PER1: variants seen among roughly 807,000 people sequenced by gnomAD.
The protein encoded by PER1 is period circadian protein homolog 1.
A neutral mutation model predicts 125.9 loss-of-function variants in PER1; 87 were observed. The ratio of observed to expected loss-of-function variants is 0.69; its 90% CI spans 0.58 to 0.83. PER1 has a LOEUF of 0.83. Among genes scored for constraint, PER1 ranks in the 40% least tolerant of loss-of-function variants. The pLI is 0.00. For missense variants in PER1, 1,775 were observed against 1,722.8 expected, an observed-to-expected ratio of 1.03 and a Z score of -0.54; for synonymous variants, 801 against 714.7, an observed-to-expected ratio of 1.12 and a Z score of -1.93.
In PER1 at chr17:8,148,201, G is replaced by A. The variant is rs377331381; in HGVS notation, c.1107C>T (p.Leu369=). 5.9e-5 allele frequency: 95 copies of A among 1,614,130 alleles called. No individual in the cohort carries two copies. The Middle Eastern group carries it at 9.9e-4, about 17-fold the overall frequency. The change falls in exon 9 of 23, where the codon CTC becomes CTT. Residue 369 remains leucine, a synonymous_variant. Transcript: ENST00000317276. ...IFTTRHTPSC[L]FQDVDERAAP... is the part of the protein sequence containing the mutation. ...CTCACCTTTCATCCACATCCTGGAAGAGGCAGCTGGGTGTGTGCCGCGTAG... is the reference window on the plus strand; with the variant it reads ...CTCACCTTTCATCCACATCCTGGAAAAGGCAGCTGGGTGTGTGCCGCGTAG...
At chr17:8,147,923 G>A in intron 10 of PER1, 74 bp downstream of exon 10, 1 of 1,583,862 alleles carries the variant, frequency 6.3e-7, no homozygotes, top group East Asian at 2.3e-5. Flanking sequence ...AAGGCACCAA[G>A]AGACACAACC....
In PER1 at chr17:8,145,153, C is replaced by T. The variant is rs949619952; in HGVS notation, c.2219-160G>A. On this transcript the variant is annotated intron_variant, in intron 17 of 22. Coordinates refer to ENST00000317276, the MANE Select transcript of PER1 (RefSeq NM_002616.3). ...CGTTTCTTGGTCACCTCTCTGCCAA[C>T]GGCTGGCCCTGGGTCCTCCTCTCCA... 1.2e-5 allele frequency: 8 copies of T among 688,072 alleles called. No homozygotes were observed. The African/African-American group carries it at 1.3e-4, about 11-fold the overall frequency. 42.6% of individuals were successfully genotyped at this position (688,072 alleles called of 1,614,324 possible). A position where few individuals can be genotyped will look rare whatever the true frequency, so the allele number is the denominator to read the frequency against.
chr17:8,149,487 G>A lies in PER1; in HGVS notation c.828C>T (p.Pro276=), dbSNP rs1476544171. The change falls in exon 6 of 23, where the codon CCC becomes CCT. Residue 276 remains proline (P), a synonymous_variant. Transcript: ENST00000317276. The part of the protein sequence containing the change: ...FYGSTAPSRL[P]TWGTGASAGS... ...CTGCTGAGGCCCCTGTGCCCCAGGT[G>A]GGCAGGCGAGATGGAGCAGTGGAAC... The A allele has an allele frequency of 1.2e-6, 2 of 1,613,616 alleles. No individual in the cohort carries two copies. The highest frequency in any genetic ancestry group is 1.7e-5 in the Admixed American group (1 of 60,028).
intron 7 of PER1, 61 bp from the exon 8 acceptor site, chr17:8,148,847 A>C: frequency 1.3e-6 from 2 of 1,583,532 alleles, no homozygotes; most frequent in Non-Finnish European, 1.7e-6. Flanking sequence ...TCCTCCAACA[A>C]TAAGGTCACA....
At chr17:8,152,183 G>C (rs1442573674) in intron 1 of PER1, among the ~76,000 whole-genome samples, 154 bp downstream of exon 1, 1 of 152,146 alleles carries the variant, frequency 6.6e-6, no homozygotes, top group Non-Finnish European at 1.5e-5. Flanking sequence ...ATTTCGAGGA[G>C]GACTTCGGTC....
rs1297447317 is a variant in PER1 at position 8,150,308 on chromosome 17, A to G, written c.285T>C (p.Ser95=). The change falls in exon 3 of 23, where the codon TCT becomes TCC. Residue 95 remains serine, a synonymous_variant. Transcript: ENST00000317276. ...AACTGCTGGGTGGGGATGGGCTCTG[A>G]GAGTTTGTGCTAGGAGACAGCAACA... The part of the protein sequence containing the change: ...ETTESSKSTN[S]QSPSPPSSSI... 6.4e-7 allele frequency: 1 copy of G among 1,553,082 alleles called. No homozygotes were observed. The highest frequency in any genetic ancestry group is 8.7e-7 in the Non-Finnish European group (1 of 1,146,986).
Position 8,146,697 on chromosome 17 carries a change from C to G in PER1, c.1804G>C (p.Ala602Pro), listed in dbSNP as rs777360256. ...AAGGCTAGTGGGGCCTGGACGGGAGCAGAACCCGCCTCCAGCTCTGGGTCT... is the reference window on the plus strand; with the variant it reads ...AAGGCTAGTGGGGCCTGGACGGGAGGAGAACCCGCCTCCAGCTCTGGGTCT... ...SPDPELEAGSAPVQAPLALVP... is the reference protein window; with the variant it reads ...SPDPELEAGSPPVQAPLALVP... The change falls in exon 15 of 23, where the codon GCT becomes CCT. Residue 602 changes from alanine (A) to proline (P), a missense_variant. Physicochemically the swap from Ala to Pro is conservative, Grantham distance 27. Transcript: ENST00000317276. 42 of 1,613,668 alleles carry G rather than the reference C, an allele frequency of 2.6e-5. No individual in the cohort carries two copies. In the South Asian group the frequency reaches 4.5e-4, roughly 17 times the overall value.
chr17:8,150,199 T>G lies in PER1; in HGVS notation c.374+20A>C. 1.3e-6 allele frequency: 2 copies of G among 1,594,074 alleles called. No individual in the cohort carries two copies. The highest frequency in any genetic ancestry group is 1.7e-6 in the Non-Finnish European group (2 of 1,166,000). On this transcript the variant is annotated intron_variant, in intron 3 of 22. Coordinates refer to ENST00000317276, the MANE Select transcript of PER1 (RefSeq NM_002616.3). Reference sequence around the variant, plus strand: ...GTGGCCTGGGCCCCCAGACCTCTCCTCCAGCCTCACCCGACGTACCTGCAG... The same window carrying G: ...GTGGCCTGGGCCCCCAGACCTCTCCGCCAGCCTCACCCGACGTACCTGCAG...
At chr17:8,143,927 C>A in intron 18 of PER1, 51 bp from the exon 19 acceptor site, 1 of 1,551,196 alleles carries the variant, frequency 6.4e-7, no homozygotes, top group South Asian at 1.2e-5. Flanking sequence ...GGTTAGTACC[C>A]CTGCTACCCA....
At chr17:8,141,528 C>T (rs1490931255) in intron 22 of PER1, among the ~76,000 whole-genome samples, 188 bp from the exon 23 acceptor site, 2 of 152,208 alleles carry the variant, frequency 1.3e-5, no homozygotes, top group African/African-American at 2.4e-5. Context: ...GATGCCGTTA[C>T]AGGACAGTCA....
chr17:8,151,410 G>C (rs1982855418), intron 1 of PER1, among the ~76,000 whole-genome samples: 1 of 152,186 alleles, frequency 6.6e-6, no homozygotes, highest in Non-Finnish European at 1.5e-5. Context: ...GCGGAAGTGG[G>C]GGAACGGCCC....
At chr17:8,144,254 G>A (rs1009016991) in intron 18 of PER1, 11 of 391,296 alleles carry the variant, frequency 2.8e-5, no homozygotes, top group African/African-American at 1.4e-4. Flanking sequence ...CCTGCCCATC[G>A]AGGCCGTATT....
chr17:8,143,543 G>C lies in PER1; in HGVS notation c.2795C>G (p.Ser932Cys), dbSNP rs373365003. The C allele has an allele frequency of 8.6e-6, 13 of 1,505,644 alleles. No homozygotes were observed. The highest frequency in any genetic ancestry group is 1.2e-5 in the Non-Finnish European group (13 of 1,122,672). The allele number at this position is 1,505,644 out of a possible 1,614,324, so 93.3% of individuals were successfully genotyped here. The change falls in exon 19 of 23, where the codon TCC becomes TGC. Residue 932 changes from serine to cysteine, a missense_variant. By Grantham distance (112) the Ser-to-Cys change is moderately radical. Coordinates refer to ENST00000317276, the MANE Select transcript of PER1 (RefSeq NM_002616.3). ...CTGGAGTGCCCCATAAGGATAGCTGGATGGGGTTGGGAACAGATAGTTAGG... is the reference window on the plus strand; with the variant it reads ...CTGGAGTGCCCCATAAGGATAGCTGCATGGGGTTGGGAACAGATAGTTAGG... Reference protein sequence around the residue: ...VLPNYLFPTPSSYPYGALQTP... With the variant: ...VLPNYLFPTPCSYPYGALQTP...
chr17:8,143,300 G>A lies in PER1; in HGVS notation c.3038C>T (p.Pro1013Leu), dbSNP rs1982196458. 1 of 1,583,058 alleles carries A rather than the reference G, an allele frequency of 6.3e-7. No individual in the cohort carries two copies. Among genetic ancestry groups the A allele is most frequent in the Non-Finnish European group, 8.6e-7 (1 of 1,163,774 alleles). ...GPGSSAGPPP[P>L]SAEAAEPEAR... ...CTCTGGCTCAGCAGCCTCCGCACTGGGAGGTGGGGGCCCGGCACTGCTCCC... is the reference window on the plus strand; with the variant it reads ...CTCTGGCTCAGCAGCCTCCGCACTGAGAGGTGGGGGCCCGGCACTGCTCCC... The change falls in exon 19 of 23, where the codon CCC becomes CTC. Residue 1013 changes from proline to leucine, a missense_variant. Pro to Leu is a moderately conservative substitution (Grantham distance 98, BLOSUM62 -3). Coordinates refer to ENST00000317276, the MANE Select transcript of PER1 (RefSeq NM_002616.3).
chr17:8,151,723 CCT>C (rs968152718), intron 1 of PER1, among the ~76,000 whole-genome samples: 19 of 152,110 alleles, frequency 1.2e-4, no homozygotes, highest in African/African-American at 4.1e-4. Flanking sequence ...ACCCGAGGAT[CCT>C]CTCTCTTCAG....
In PER1 at chr17:8,144,898, CGT is replaced by C; in HGVS notation, c.2312_2313del (p.Asp771GlyfsTer80). ...SPTVAPDPAP[D>X]AYRPVGLTKA... is the part of the protein sequence containing the mutation. Reference sequence around the variant, plus strand: ...TTGGTCAGCCCCACTGGACGGTAGGCGTCTGGGGCTGGGTCAGGGGCTACTGT... The same window carrying C: ...TTGGTCAGCCCCACTGGACGGTAGGCCTGGGGCTGGGTCAGGGGCTACTGT... On this transcript the variant is annotated frameshift_variant, in exon 18 of 23. Transcript: ENST00000317276. LOFTEE classifies it high-confidence loss of function. The C allele has an allele frequency of 6.4e-7, 1 of 1,552,618 alleles. No individual in the cohort carries two copies. The highest frequency in any genetic ancestry group is 8.7e-7 in the Non-Finnish European group (1 of 1,144,930).
chr17:8,143,174 G>T, intron 19 of PER1, 92 bp downstream of exon 19: 1 of 985,646 alleles, frequency 1.0e-6, no homozygotes, highest in Non-Finnish European at 1.4e-6. Context: ...AGGCTGAGAC[G>T]CCAGCCTGGC....
At position 8,147,534 on chromosome 17, in the gene PER1, G is replaced by A; in HGVS notation, c.1433C>T (p.Pro478Leu). The A allele has an allele frequency of 6.2e-7, 1 of 1,613,814 alleles. No homozygotes were observed. The highest frequency in any genetic ancestry group is 1.1e-5 in the South Asian group (1 of 91,066). The change falls in exon 12 of 23, where the codon CCA becomes CTA. Residue 478 changes from proline to leucine, a missense_variant. Transcript: ENST00000317276. ...EDVFTPPAPS[P>L]APSLDTDIQE... ...GATATCAGTGTCCAGGGAGGGAGCT[G>A]GGCTGGGGGCCGGGGGAGTGAACAC...
intron 1 of PER1, among the ~76,000 whole-genome samples, chr17:8,151,744 T>C (rs1292115482): frequency 1.3e-5 from 2 of 151,906 alleles, no homozygotes; most frequent in Non-Finnish European, 2.9e-5. Context: ...AGTCCCCTAC[T>C]TTTCTGGCCA....
Sources: gnomAD v4.1 joint callset for allele counts (sites outside exome capture counted in the v4.1 genomes callset) on GRCh38, gnomAD v4.1.1 for gene constraint, MANE v1.5 for transcripts, NCBI Gene and HGNC (gene_info 2026-07-23, HGNC 2026-07-21) for gene names.